Variants in MMP17 observed in about 807,000 individuals in gnomAD.
The protein encoded by MMP17 is matrix metalloproteinase-17.
Under a neutral mutation model 49.1 loss-of-function variants are expected in MMP17, and 54 were observed. That is an observed-to-expected ratio of 1.10 (90% CI 0.88 to 1.38). MMP17 has a LOEUF of 1.38. Ranked by LOEUF, MMP17 falls within the 40% of genes most tolerant of loss-of-function variation. MMP17 has a pLI of 0.00. For missense variants in MMP17, 837 were observed against 853.7 expected (o/e 0.98, Z 0.24); for synonymous variants, 397 against 383.1 (o/e 1.04, Z -0.42).
chr12:131,849,741 A>C, intron 8 of MMP17, 61 bp from the exon 9 acceptor site: 1 of 1,544,666 alleles, frequency 6.5e-7, no homozygotes, highest in Non-Finnish European at 8.7e-7. Context: ...GAAAGGCAGG[A>C]GCCTCCTGCC....
chr12:131,850,083 G>A (rs772535826), intron 9 of MMP17, 24 bp downstream of exon 9: 4 of 1,583,646 alleles, frequency 2.5e-6, no homozygotes, highest in South Asian at 1.1e-5. Flanking sequence ...GGGGGGACGG[G>A]CCATGCGGCC....
chr12:131,841,083 G>C (rs577604465), intron 4 of MMP17, among the ~76,000 whole-genome samples: 8 of 152,348 alleles, frequency 5.3e-5, no homozygotes, highest in Middle Eastern at 3.4e-3. Flanking sequence ...TGGCTGAGCC[G>C]AGCTTGTCCT....
At chr12:131,830,464 C>T (rs557965166) in intron 1 of MMP17, among the ~76,000 whole-genome samples, 3 of 152,350 alleles carry the variant, frequency 2.0e-5, no homozygotes, top group African/African-American at 7.2e-5. Context: ...GGCGTGGAGC[C>T]TCCGTCCTGC....
chr12:131,849,015 CATA>C (rs1232079557), intron 8 of MMP17, among the ~76,000 whole-genome samples: 3 of 152,230 alleles, frequency 2.0e-5, no homozygotes, highest in Non-Finnish European at 4.4e-5. Flanking sequence ...TGCACAATTT[CATA>C]CTCCCTCCCC....
chr12:131,835,219 C>T (rs777185827), intron 1 of MMP17, among the ~76,000 whole-genome samples: 1 of 152,250 alleles, frequency 6.6e-6, no homozygotes, highest in Non-Finnish European at 1.5e-5. Context: ...GACCCACCAC[C>T]CCCCAAGATT....
At chr12:131,840,929 C>A (rs958335814) in intron 4 of MMP17, 73 bp downstream of exon 4, 14 of 1,451,656 alleles carry the variant, frequency 9.6e-6, no homozygotes, top group African/African-American at 2.8e-5. Flanking sequence ...CAGCCATGGC[C>A]CCCCCATCCC....
At chr12:131,847,999 C>T (rs937035905) in intron 8 of MMP17, among the ~76,000 whole-genome samples, 11 of 152,234 alleles carry the variant, frequency 7.2e-5, no homozygotes, top group African/African-American at 2.4e-4. Flanking sequence ...CTTAATCCCT[C>T]CCCCTATTTA....
chr12:131,837,048 C>T (rs998352962), intron 1 of MMP17, among the ~76,000 whole-genome samples: 3 of 152,188 alleles, frequency 2.0e-5, no homozygotes, highest in Non-Finnish European at 2.9e-5. Flanking sequence ...AAAGGGCTGC[C>T]CTCATTCCTG....
chr12:131,842,057 C>A (rs530718669), intron 5 of MMP17, among the ~76,000 whole-genome samples: 1 of 152,332 alleles, frequency 6.6e-6, no homozygotes, highest in Non-Finnish European at 1.5e-5. Flanking sequence ...GCGTCCCAGG[C>A]CTGTGCAAAT....
chr12:131,837,125 C>A (rs1345260688), intron 1 of MMP17, among the ~76,000 whole-genome samples: 1 of 152,192 alleles, frequency 6.6e-6, no homozygotes, highest in South Asian at 2.1e-4. Context: ...GCAGAGCTGT[C>A]CCCTGCGCCA....
In MMP17 at chr12:131,845,344, C is replaced by T; in HGVS notation, c.1099C>T (p.Gln367Ter). The change falls in exon 8 of 10, where the codon CAG becomes TAG. Residue 367 changes from glutamine (Q) to a stop codon, truncating the protein, a stop_gained. Transcript: ENST00000360564. LOFTEE classifies it high-confidence loss of function. ...GCGGGACCGGCACCTGGTGTCCCTG[C>T]AGCCGGCACAGATGCACCGCTTCTG... ...LTRDRHLVSL[Q>*]PAQMHRFWRG... is the part of the protein sequence containing the mutation. 1 of 1,603,134 alleles carries T rather than the reference C, an allele frequency of 6.2e-7. No individual in the cohort carries two copies. Among genetic ancestry groups the T allele is most frequent in the Non-Finnish European group, 8.5e-7 (1 of 1,175,192 alleles).
At chr12:131,849,488 A>G (rs543961048) in intron 8 of MMP17, among the ~76,000 whole-genome samples, 2 of 152,348 alleles carry the variant, frequency 1.3e-5, no homozygotes, top group East Asian at 3.9e-4. Context: ...GTCTCAAAAA[A>G]TAATGATCAT....
chr12:131,830,150 G>A (rs2136303674), intron 1 of MMP17, among the ~76,000 whole-genome samples: 1 of 152,348 alleles, frequency 6.6e-6, no homozygotes, highest in South Asian at 2.1e-4. Flanking sequence ...TCAGGAGGAT[G>A]GACCCCCGGC....
intron 6 of MMP17, 106 bp downstream of exon 6, chr12:131,844,187 C>T: frequency 1.1e-6 from 1 of 936,530 alleles, no homozygotes; most frequent in Non-Finnish European, 1.6e-6. Context: ...GGGAAACGCA[C>T]AGCTGTGTGG....
chr12:131,847,919 A>G (rs1271222773), intron 8 of MMP17, among the ~76,000 whole-genome samples: 2 of 151,848 alleles, frequency 1.3e-5, no homozygotes, highest in South Asian at 2.1e-4. Flanking sequence ...CTGGTTCCCT[A>G]CCAGGCGCAT....
chr12:131,836,200 A>AG (rs1887076047), intron 1 of MMP17, among the ~76,000 whole-genome samples: 2 of 151,358 alleles, frequency 1.3e-5, no homozygotes, highest in Non-Finnish European at 1.5e-5. Flanking sequence ...AAAGGCACAG[A>AG]GGGGGGCCCC....
At chr12:131,838,841 G>A (rs1887230539) in intron 3 of MMP17, 100 bp downstream of exon 3, 5 of 1,425,134 alleles carry the variant, frequency 3.5e-6, no homozygotes, top group Non-Finnish European at 4.7e-6. Context: ...CGTGGCCAGG[G>A]TGGGGAACGG....
At position 131,840,816 on chromosome 12, in the gene MMP17, C is replaced by T; in HGVS notation, c.666C>T (p.Thr222=). 1 of 1,607,156 alleles carries T rather than the reference C, an allele frequency of 6.2e-7. No homozygotes were observed. Among genetic ancestry groups the T allele is most frequent in the Non-Finnish European group, 8.5e-7 (1 of 1,179,538 alleles). ...FPGHHHTAGD[T]HFDDDEAWTF... ...GCCACCACCACACCGCCGGGGACAC[C>T]CACTTTGACGATGACGAGGCCTGGA... Residue 222 remains threonine (T), a synonymous_variant, in exon 4 of 10, where the codon ACC becomes ACT. Transcript: ENST00000360564.
chr12:131,829,277 CGG>C (rs200816011), intron 1 of MMP17, among the ~76,000 whole-genome samples: 1,666 of 152,280 alleles, frequency 0.011, 12 homozygotes, highest in Non-Finnish European at 0.015. Context: ...AGTGCTGAGC[CGG>C]GGGCGCGGGG....
Sources: gnomAD v4.1 joint callset for allele counts (sites outside exome capture counted in the v4.1 genomes callset) on GRCh38, gnomAD v4.1.1 for gene constraint, MANE v1.5 for transcripts, NCBI Gene and HGNC (gene_info 2026-07-23, HGNC 2026-07-21) for gene names.